VAV2: variants seen among roughly 807,000 people sequenced by gnomAD.
VAV2 encodes the protein vav guanine nucleotide exchange factor 2, also known as guanine nucleotide exchange factor VAV2.
VAV2 carries 67 observed loss-of-function variants against 132.5 expected under a neutral mutation model. The ratio of observed to expected loss-of-function variants is 0.51; its 90% CI spans 0.42 to 0.62. The LOEUF is 0.62. VAV2 is among the 20% of genes least tolerant of loss of function. The probability of loss-of-function intolerance (pLI) is 0.00; values close to 1 mark genes in which losing one functional copy is unlikely to be tolerated. For missense variants in VAV2, 938 were observed against 1,153.6 expected, an observed-to-expected ratio of 0.81 and a Z score of 2.71; for synonymous variants, 492 against 443.5, an observed-to-expected ratio of 1.11 and a Z score of -1.37.
At chr9:133,772,577 A>G (rs1303292924) in intron 25 of VAV2, among the ~76,000 whole-genome samples, 1 of 152,096 alleles carries the variant, frequency 6.6e-6, no homozygotes, top group East Asian at 1.9e-4. Flanking sequence ...CTCAATTCAA[A>G]TGTGACCTTA....
rs114612454 is a variant in VAV2 at position 133,766,856 on chromosome 9, A to G, written c.2589+1586T>C. 1.3e-3 allele frequency among the ~76,000 whole-genome samples: 190 copies of G among 150,494 alleles called. 1 individual carries two copies. Among genetic ancestry groups the G allele is most frequent in the African/African-American group, 4.2e-3 (173 of 41,064 alleles). ...TATATATAGAATTAAGATACATGAG[A>G]ACGCTTGCACAAAAGTTGGGAGGAA... On this transcript the variant is annotated intron_variant, in intron 29 of 29. Coordinates refer to ENST00000371850, the MANE Select transcript of VAV2 (RefSeq NM_001134398.2).
intron 20 of VAV2, 138 bp from the exon 21 acceptor site, chr9:133,780,077 G>T: frequency 8.4e-7 from 1 of 1,186,238 alleles, no homozygotes. Context: ...GGAGGAGAGG[G>T]ACACTGTTCC....
At chr9:133,887,803 C>T (rs555064001) in intron 2 of VAV2, among the ~76,000 whole-genome samples, 187 of 152,094 alleles carry the variant, frequency 1.2e-3, no homozygotes, top group African/African-American at 4.4e-3. Context: ...ATCCCCCGCC[C>T]CCCACCCAGG....
At position 133,768,524 on chromosome 9, in the gene VAV2, G is replaced by A. The variant is rs771858287; in HGVS notation, c.2507C>T (p.Ser836Leu). The A allele has an allele frequency of 1.3e-5, 21 of 1,613,874 alleles. No individual in the cohort carries two copies. The highest frequency in any genetic ancestry group is 6.7e-5 in the Admixed American group (4 of 59,984). Residue 836 changes from serine to leucine, a missense_variant, in exon 29 of 30, where the codon TCG (serine) becomes TTG (leucine). Ser to Leu is a moderately radical substitution (Grantham distance 145). Transcript: ENST00000371850. This position sits in a 1 kb window ranked among gnomAD's most constrained non-coding sequence, Gnocchi z 5.3. ...NFAARDMRELSLREGDVVRIY... is the reference protein window; with the variant it reads ...NFAARDMRELLLREGDVVRIY... ...CCTCACCACGTCACCCTCCCGCAGCGAAAGCTCCCTCATATCTCGGGCGGC... is the reference window on the plus strand; with the variant it reads ...CCTCACCACGTCACCCTCCCGCAGCAAAAGCTCCCTCATATCTCGGGCGGC...
intron 2 of VAV2, among the ~76,000 whole-genome samples, chr9:133,868,487 G>GA (rs1564420214): frequency 6.6e-6 from 1 of 152,232 alleles, no homozygotes; most frequent in Non-Finnish European, 1.5e-5. Flanking sequence ...GGCTGTAGGT[G>GA]AATGAGACGG....
intron 1 of VAV2, among the ~76,000 whole-genome samples, chr9:133,939,496 C>T (rs1389989739): frequency 6.6e-6 from 1 of 152,178 alleles, no homozygotes; most frequent in Non-Finnish European, 1.5e-5. Flanking sequence ...CTTCTCATCA[C>T]ATAGCTGCAA....
chr9:133,855,991 A>G (rs1238689609), intron 3 of VAV2, among the ~76,000 whole-genome samples: 1 of 152,240 alleles, frequency 6.6e-6, no homozygotes, highest in African/African-American at 2.4e-5. Context: ...GGAATGACGC[A>G]ATGACCGGCT....
At chr9:133,881,864 G>A (rs184534246) in intron 2 of VAV2, among the ~76,000 whole-genome samples, 141 of 152,314 alleles carry the variant, frequency 9.3e-4, no homozygotes, top group African/African-American at 3.3e-3. Flanking sequence ...GGCAACACTG[G>A]GGAGGGCGCA....
chr9:133,866,149 GC>G (rs1162977322), intron 2 of VAV2, among the ~76,000 whole-genome samples: 2 of 152,128 alleles, frequency 1.3e-5, no homozygotes, highest in African/African-American at 2.4e-5. Context: ...CTGGTTCCAG[GC>G]CCCCCAGGGG....
rs542953146 is a variant in VAV2 at position 133,939,093 on chromosome 9, G to A, written c.321+10C>T. 39 of 1,612,810 alleles carry A rather than the reference G, an allele frequency of 2.4e-5. No homozygotes were observed. The East Asian group carries it at 7.1e-4, about 29-fold the overall frequency. ...CTGAGCGACCGAGGCTGGAGAGAGT[G>A]ACTGCTCACCTTTCCAAAGTCTCGC... On this transcript the variant is annotated intron_variant, in intron 2 of 29. Transcript: ENST00000371850.
chr9:133,897,010 T>C (rs4436183), intron 2 of VAV2, among the ~76,000 whole-genome samples: 31,000 of 151,694 alleles, frequency 0.2, 3,721 homozygotes, highest in African/African-American at 0.33. Context: ...AGGAGAATGG[T>C]GTGAACCCGG....
At chr9:133,914,072 CCT>C (rs1234483729) in intron 2 of VAV2, among the ~76,000 whole-genome samples, 1 of 152,228 alleles carries the variant, frequency 6.6e-6, no homozygotes, top group Non-Finnish European at 1.5e-5. Flanking sequence ...ACCGCAAACC[CCT>C]GAGACCCTAA....
intron 2 of VAV2, among the ~76,000 whole-genome samples, chr9:133,892,564 C>T (rs889857281): frequency 6.6e-6 from 1 of 152,076 alleles, no homozygotes; most frequent in African/African-American, 2.4e-5. Context: ...CCATGCAGGG[C>T]TCGGCCAAAG....
chr9:133,915,973 ACACT>A (rs56260524), intron 2 of VAV2, among the ~76,000 whole-genome samples: 20,391 of 64,536 alleles, frequency 0.32, 2,896 homozygotes, highest in African/African-American at 0.45. Flanking sequence ...GTACACATAC[ACACT>A]CACACGATGC....
intron 2 of VAV2, among the ~76,000 whole-genome samples, chr9:133,933,151 T>C (rs1419927385): frequency 6.6e-6 from 1 of 152,238 alleles, no homozygotes; most frequent in Non-Finnish European, 1.5e-5. Flanking sequence ...CGTGGAATGA[T>C]CCTTTCCATG....
In VAV2 at chr9:133,826,666, G is replaced by A. The variant is rs1183022442; in HGVS notation, c.449+7606C>T. Among the ~76,000 whole-genome samples, 1 of 152,154 alleles carries A rather than the reference G, an allele frequency of 6.6e-6. No individual in the cohort carries two copies. Among genetic ancestry groups the A allele is most frequent in the African/African-American group, 2.4e-5 (1 of 41,422 alleles). On this transcript the variant is annotated intron_variant, in intron 4 of 29. Coordinates refer to ENST00000371850, the MANE Select transcript of VAV2 (RefSeq NM_001134398.2). This position sits in a 1 kb window ranked among gnomAD's most constrained non-coding sequence, Gnocchi z 4.2. ...CTCCCCCAGCCACCTAGGATGAAGC[G>A]GTGGCTAAATAAAGCTTGGTCTCAT...
intron 1 of VAV2, among the ~76,000 whole-genome samples, chr9:133,941,839 G>A (rs1462181716): frequency 6.6e-6 from 1 of 152,176 alleles, no homozygotes; most frequent in African/African-American, 2.4e-5. Flanking sequence ...CTTGACCTCA[G>A]GTGATCTGCC....
In VAV2 at chr9:133,789,352, AAGG is replaced by A; in HGVS notation, c.1189-12_1189-10del. 1 of 1,602,654 alleles carries A rather than the reference AAGG, an allele frequency of 6.2e-7. No homozygotes were observed. Among genetic ancestry groups the A allele is most frequent in the South Asian group, 1.1e-5 (1 of 90,776 alleles). ...TCCTCCAGTTTCACTTGCTGGGAAG[AAGG>A]AGAGGGGCCGTCAGCCGGGGCTGGA... is the stretch of plus-strand genomic sequence containing the variant. On this transcript the variant is annotated splice_polypyrimidine_tract_variant and intron_variant, in intron 13 of 29. Transcript: ENST00000371850.
intron 17 of VAV2, 55 bp from the exon 18 acceptor site, chr9:133,784,473 C>A: frequency 1.3e-6 from 2 of 1,590,646 alleles, no homozygotes; most frequent in Non-Finnish European, 1.7e-6. Context: ...CCGAGCCCCA[C>A]CATGTGGCCA....
Sources: gnomAD v4.1 joint callset for allele counts (sites outside exome capture counted in the v4.1 genomes callset) on GRCh38, gnomAD v4.1.1 for gene constraint, Gnocchi (gnomAD v3.1) non-coding constraint, MANE v1.5 for transcripts, NCBI Gene and HGNC (gene_info 2026-07-23, HGNC 2026-07-21) for gene names.